BAZ1A: variants seen among roughly 807,000 people sequenced by gnomAD.
The protein encoded by BAZ1A is bromodomain adjacent to zinc finger domain protein 1A.
A neutral mutation model predicts 185.2 loss-of-function variants in BAZ1A; 50 were observed. The observed-to-expected ratio is 0.27, with a 90% CI of 0.22 to 0.34. The LOEUF (loss-of-function observed/expected upper bound fraction) is 0.34. Ranked by LOEUF, BAZ1A falls within the 10% of genes least tolerant of loss-of-function variation. BAZ1A has a pLI of 1.00. For missense variants in BAZ1A, 1,356 were observed against 1,839.9 expected (o/e 0.74, Z 4.81); for synonymous variants, 571 against 615.6 (o/e 0.93, Z 1.07).
intron 10 of BAZ1A, 35 bp from the exon 11 acceptor site, chr14:34,794,922 C>G (rs922304013): frequency 6.3e-7 from 1 of 1,594,948 alleles, no homozygotes; most frequent in Non-Finnish European, 8.5e-7. Context: ...ACTATTTGAA[C>G]CAAGAGCAGG....
At chr14:34,801,285 A>G in intron 7 of BAZ1A, 92 bp from the exon 8 acceptor site, 1 of 861,364 alleles carries the variant, frequency 1.2e-6, no homozygotes, top group South Asian at 1.6e-5. Context: ...CTTTCTTTAT[A>G]CTAAAATGAT....
intron 7 of BAZ1A, 93 bp from the exon 8 acceptor site, chr14:34,801,286 C>G (rs1256700172): frequency 5.8e-6 from 5 of 861,156 alleles, no homozygotes; most frequent in South Asian, 1.6e-5. Flanking sequence ...TTTCTTTATA[C>G]TAAAATGATT....
rs190742405 is a variant in BAZ1A at position 34,770,757 on chromosome 14, A to G, written c.3301+754T>C. 2.4e-3 allele frequency among the ~76,000 whole-genome samples: 369 copies of G among 152,288 alleles called. 1 individual carries two copies. The highest frequency in any genetic ancestry group is 8.4e-3 in the African/African-American group (350 of 41,562). On this transcript the variant is annotated intron_variant, in intron 21 of 26. Transcript: ENST00000360310. Reference sequence around the variant, plus strand: ...TTTGTCAAAAAGTGATACAGATAGTATATTATTCCTCACTATAAATTATAG... The same window carrying G: ...TTTGTCAAAAAGTGATACAGATAGTGTATTATTCCTCACTATAAATTATAG...
intron 3 of BAZ1A, among the ~76,000 whole-genome samples, chr14:34,860,415 G>GGA (rs1223552605): frequency 6.7e-6 from 1 of 149,940 alleles, no homozygotes; most frequent in African/African-American, 2.5e-5. Context: ...GGCTGAGGTG[G>GGA]GAGGATGGCT....
chr14:34,836,106 G>T (rs113879336), intron 3 of BAZ1A, among the ~76,000 whole-genome samples: 561 of 27,692 alleles, frequency 0.02, 161 homozygotes, highest in African/African-American at 0.051. Flanking sequence ...TAGGCCGGGC[G>T]CGGTGGCTCA....
chr14:34,827,481 A>G (rs1205163386), intron 3 of BAZ1A, among the ~76,000 whole-genome samples: 1 of 152,178 alleles, frequency 6.6e-6, no homozygotes, highest in Non-Finnish European at 1.5e-5. Context: ...CACGCCTGTA[A>G]TCCCAGCACT....
At chr14:34,833,088 A>T (rs560696812) in intron 3 of BAZ1A, among the ~76,000 whole-genome samples, 15 of 152,320 alleles carry the variant, frequency 9.8e-5, no homozygotes, top group South Asian at 8.3e-4. Context: ...ACAAAAATTT[A>T]AAAATTAGCC....
intron 6 of BAZ1A, among the ~76,000 whole-genome samples, chr14:34,807,026 A>G (rs1881889187): frequency 6.7e-6 from 1 of 149,934 alleles, no homozygotes; most frequent in African/African-American, 2.5e-5. Flanking sequence ...AAGTGCAAGG[A>G]TTACAGGAGT....
chr14:34,818,052 G>A (rs1210601523), intron 4 of BAZ1A, among the ~76,000 whole-genome samples: 2 of 152,158 alleles, frequency 1.3e-5, no homozygotes, highest in African/African-American at 4.8e-5. Flanking sequence ...ATTCAATGCA[G>A]CATTATTTAC....
intron 2 of BAZ1A, among the ~76,000 whole-genome samples, chr14:34,865,502 T>TC (rs2042843355): frequency 6.6e-6 from 1 of 152,220 alleles, no homozygotes; most frequent in African/African-American, 2.4e-5. Flanking sequence ...GTAGGTTATC[T>TC]CTATTAGTTT....
At chr14:34,861,829 C>A (rs1012567441) in intron 3 of BAZ1A, among the ~76,000 whole-genome samples, 31 of 152,230 alleles carry the variant, frequency 2.0e-4, no homozygotes, top group Non-Finnish European at 4.1e-4. Context: ...TATACACATA[C>A]AGACGCATGC....
chr14:34,779,506 T>A (rs1036829903), intron 17 of BAZ1A, among the ~76,000 whole-genome samples: 2 of 152,084 alleles, frequency 1.3e-5, no homozygotes, highest in African/African-American at 4.8e-5. Flanking sequence ...ACAGCTTCCA[T>A]GATACAGGAA....
chr14:34,839,570 G>A (rs1287183449), intron 3 of BAZ1A, among the ~76,000 whole-genome samples: 4 of 148,206 alleles, frequency 2.7e-5, no homozygotes, highest in Admixed American at 2.0e-4. Context: ...TAGGCCAGGC[G>A]TGGTGGCTCA....
chr14:34,791,141 G>T (rs76888255), intron 12 of BAZ1A, among the ~76,000 whole-genome samples: 32,228 of 133,822 alleles, frequency 0.24, 3,708 homozygotes, highest in Non-Finnish European at 0.29. Flanking sequence ...AAAGAAAAGA[G>T]AAGAGAAAAG....
intron 2 of BAZ1A, among the ~76,000 whole-genome samples, chr14:34,864,439 A>G (rs2042821703): frequency 6.6e-6 from 1 of 151,742 alleles, no homozygotes; most frequent in African/African-American, 2.4e-5. Flanking sequence ...CACCGCATTC[A>G]GTCCTGTTTA....
chr14:34,775,849 G>C, intron 18 of BAZ1A, 70 bp downstream of exon 18: 1 of 1,295,298 alleles, frequency 7.7e-7, no homozygotes, highest in South Asian at 1.5e-5. Flanking sequence ...TTGCAAAAAC[G>C]CTTAATCCTG....
intron 9 of BAZ1A, among the ~76,000 whole-genome samples, chr14:34,799,773 G>A (rs1186167641): frequency 2.6e-5 from 4 of 151,866 alleles, no homozygotes; most frequent in Admixed American, 1.3e-4. Flanking sequence ...TACCATGCCC[G>A]GCTAAGTTTT....
Position 34,874,970 on chromosome 14 carries a change from C to G in BAZ1A, c.-59+168G>C, listed in dbSNP as rs556283849. On this transcript the variant is annotated intron_variant, in intron 1 of 26. Coordinates refer to ENST00000360310, the MANE Select transcript of BAZ1A (RefSeq NM_013448.3). This position sits in a 1 kb window ranked among gnomAD's most constrained non-coding sequence, Gnocchi z 4.7. ...CCCCTCCCCCAGCGCCGGCTCCTCG[C>G]CCGCCGCCGCCGCCAGGCTCACAAC... 1.3e-5 allele frequency: 2 copies of G among 149,644 alleles called. No individual in the cohort carries two copies. The highest frequency in any genetic ancestry group is 3.0e-5 in the Non-Finnish European group (2 of 67,460). The allele number at this position is 149,644 out of a possible 1,614,324, so 9.3% of individuals were successfully genotyped here.
rs533473276 is a variant in BAZ1A at position 34,764,627 on chromosome 14, C to T, written c.3776+80G>A. 1.3e-4 allele frequency: 204 copies of T among 1,522,196 alleles called. No homozygotes were observed. In the African/African-American group the frequency reaches 2.4e-3, roughly 18 times the overall value. 94.3% of individuals were successfully genotyped at this position (1,522,196 alleles called of 1,614,324 possible). A position where few individuals can be genotyped will look rare whatever the true frequency, so the allele number is the denominator to read the frequency against. On this transcript the variant is annotated intron_variant, in intron 23 of 26. Coordinates refer to ENST00000360310, the MANE Select transcript of BAZ1A (RefSeq NM_013448.3). ...TTTTAAACTAAGTTACAGACCCTAA[C>T]TATTCCATTTGTATTTGAATAGTGG... is the stretch of plus-strand genomic sequence containing the variant.
Sources: gnomAD v4.1 joint callset for allele counts (sites outside exome capture counted in the v4.1 genomes callset) on GRCh38, gnomAD v4.1.1 for gene constraint, Gnocchi (gnomAD v3.1) non-coding constraint, MANE v1.5 for transcripts, NCBI Gene and HGNC (gene_info 2026-07-23, HGNC 2026-07-21) for gene names.